The following ZBTB2 variants were observed in gnomAD, a reference collection of about 807,000 sequenced individuals.
ZBTB2 encodes the protein zinc finger and BTB domain containing 2.
In ZBTB2, 2 loss-of-function variants were observed where a neutral mutation model predicts 39.5. That is an observed-to-expected ratio of 0.05 (90% CI 0.02 to 0.16). The LOEUF (loss-of-function observed/expected upper bound fraction) is 0.16. ZBTB2 is among the 10% of genes least tolerant of loss of function. The pLI, the probability that ZBTB2 is intolerant of heterozygous loss-of-function variation, is 1.00. For synonymous variants in ZBTB2, 251 were observed against 256.6 expected, an observed-to-expected ratio of 0.98 and a Z score of 0.21; for missense variants, 391 against 653.0, an observed-to-expected ratio of 0.60 and a Z score of 4.37.
rs1316649833 is a variant in ZBTB2 at position 151,364,453 on chromosome 6, G to C, written c.*1068C>G. 5 of 152,490 alleles carry C rather than the reference G, an allele frequency of 3.3e-5. No individual in the cohort carries two copies. Among genetic ancestry groups the C allele is most frequent in the African/African-American group, 1.2e-4 (5 of 41,410 alleles). The allele number at this position is 152,490 out of a possible 1,614,324, so 9.4% of individuals were successfully genotyped here. ...TCAAAATCAAGTTTTTTCCCAAACAGCAATTAGATTTTTTGTCCTGATTTC... is the reference window on the plus strand; with the variant it reads ...TCAAAATCAAGTTTTTTCCCAAACACCAATTAGATTTTTTGTCCTGATTTC... On this transcript the variant is annotated 3_prime_UTR_variant, in exon 3 of 3. Coordinates refer to ENST00000325144, the MANE Select transcript of ZBTB2 (RefSeq NM_020861.3).
chr6:151,390,969 G>A (rs1283188731), intron 1 of ZBTB2, among the ~76,000 whole-genome samples: 2 of 150,660 alleles, frequency 1.3e-5, no homozygotes, highest in Non-Finnish European at 3.0e-5. Flanking sequence ...CGGGAAGGGA[G>A]GGACCGGCCA....
At chr6:151,371,395 G>A (rs747714503) in intron 2 of ZBTB2, among the ~76,000 whole-genome samples, 1 of 152,210 alleles carries the variant, frequency 6.6e-6, no homozygotes, top group Non-Finnish European at 1.5e-5. Flanking sequence ...TTATAAAGGA[G>A]CACAATTAAA....
intron 2 of ZBTB2, 127 bp from the exon 3 acceptor site, chr6:151,367,019 T>A: frequency 9.7e-7 from 1 of 1,025,802 alleles, no homozygotes; most frequent in Non-Finnish European, 1.4e-6. Context: ...TTTTAGTAAG[T>A]TTCATGAAAA....
chr6:151,371,777 C>T (rs188336429), intron 2 of ZBTB2, among the ~76,000 whole-genome samples: 7 of 152,010 alleles, frequency 4.6e-5, no homozygotes, highest in South Asian at 2.1e-4. Flanking sequence ...TTTGGAAATA[C>T]GAATCCAATA....
chr6:151,372,499 T>TG (rs569735118), intron 2 of ZBTB2, among the ~76,000 whole-genome samples: 2 of 150,884 alleles, frequency 1.3e-5, no homozygotes, highest in South Asian at 2.1e-4. Flanking sequence ...GGGGGCAGGG[T>TG]GGGGGGTGTA....
intron 1 of ZBTB2, among the ~76,000 whole-genome samples, chr6:151,388,651 G>A (rs527648389): frequency 1.3e-5 from 2 of 152,302 alleles, no homozygotes; most frequent in Admixed American, 6.5e-5. Context: ...ATAGGCGTGA[G>A]CCACTTTCCC....
Position 151,389,639 on chromosome 6 carries a change from G to C in ZBTB2, c.-13+1781C>G, listed in dbSNP as rs565966134. Among the ~76,000 whole-genome samples, 4 of 152,292 alleles carry C rather than the reference G, an allele frequency of 2.6e-5. No individual in the cohort carries two copies. The East Asian group carries it at 7.7e-4, about 29-fold the overall frequency. ...AAACAATACCCTGATAAAATGAATAGAATCAAGGCTCACAAACTCAGTGGA... is the reference window on the plus strand; with the variant it reads ...AAACAATACCCTGATAAAATGAATACAATCAAGGCTCACAAACTCAGTGGA... On this transcript the variant is annotated intron_variant, in intron 1 of 2. Coordinates refer to ENST00000325144, the MANE Select transcript of ZBTB2 (RefSeq NM_020861.3).
chr6:151,390,320 GGCCCCCTCCGGTCTCGCCGGCCCC>G (rs1209365451), intron 1 of ZBTB2, among the ~76,000 whole-genome samples: 1 of 138,602 alleles, frequency 7.2e-6, no homozygotes, highest in Non-Finnish European at 1.5e-5. Flanking sequence ...GGGGCCCTCT[GGCCCCCTCCGGTCTCGCCGGCCCC>G]GCCCCCTCCC....
intron 1 of ZBTB2, among the ~76,000 whole-genome samples, chr6:151,379,090 T>A (rs1218796602): frequency 6.6e-6 from 1 of 152,200 alleles, no homozygotes; most frequent in Non-Finnish European, 1.5e-5. Flanking sequence ...TGCTTTTAAG[T>A]ACATATACTT....
intron 1 of ZBTB2, among the ~76,000 whole-genome samples, chr6:151,373,870 A>AAAAAAAAAAAAAAAACAAAAC (rs1778843577): frequency 8.1e-6 from 1 of 123,604 alleles, no homozygotes; most frequent in African/African-American, 3.5e-5. Flanking sequence ...AAAAAAAAAA[A>AAAAAAAAAAAAAAAACAAAAC]AAAAAAACCA....
At chr6:151,386,615 A>G (rs1008475198) in intron 1 of ZBTB2, among the ~76,000 whole-genome samples, 13 of 152,372 alleles carry the variant, frequency 8.5e-5, no homozygotes, top group Non-Finnish European at 1.9e-4. Context: ...ATACCATAAA[A>G]TGATTAGTAA....
At chr6:151,391,057 C>A (rs528251479) in intron 1 of ZBTB2, among the ~76,000 whole-genome samples, 1 of 141,074 alleles carries the variant, frequency 7.1e-6, no homozygotes, top group African/African-American at 2.6e-5. Flanking sequence ...GCCCTCTCGG[C>A]TTCCGTCCCC....
At chr6:151,382,152 G>A (rs1411149058) in intron 1 of ZBTB2, among the ~76,000 whole-genome samples, 3 of 152,186 alleles carry the variant, frequency 2.0e-5, no homozygotes, top group Admixed American at 6.5e-5. Context: ...AAAAACTTAC[G>A]TAAAAATATG....
At chr6:151,386,299 C>T (rs1159289628) in intron 1 of ZBTB2, among the ~76,000 whole-genome samples, 1 of 152,182 alleles carries the variant, frequency 6.6e-6, no homozygotes, top group Non-Finnish European at 1.5e-5. Flanking sequence ...AATCTCAGCA[C>T]TTTGGGAGGC....
intron 2 of ZBTB2, among the ~76,000 whole-genome samples, chr6:151,368,789 A>C (rs552077618): frequency 6.9e-6 from 1 of 145,790 alleles, no homozygotes; most frequent in Non-Finnish European, 1.5e-5. Flanking sequence ...TTTGAGACGA[A>C]GTCTTGCTCT....
intron 1 of ZBTB2, among the ~76,000 whole-genome samples, chr6:151,377,535 ATTTTTTT>A (rs769474299): frequency 2.9e-5 from 3 of 103,462 alleles, no homozygotes; most frequent in Admixed American, 2.1e-4. Flanking sequence ...TGTCTGGCTA[ATTTTTTT>A]TTTTTTTTTT....
intron 1 of ZBTB2, among the ~76,000 whole-genome samples, chr6:151,388,863 C>T (rs951273207): frequency 2.0e-5 from 3 of 152,174 alleles, no homozygotes; most frequent in African/African-American, 7.2e-5. Context: ...GTATTTACAT[C>T]CCCTTTGAAG....
At chr6:151,377,917 C>T (rs1778953177) in intron 1 of ZBTB2, 1 of 152,006 alleles carries the variant, frequency 6.6e-6, no homozygotes, top group Admixed American at 6.6e-5. Context: ...GTTAAGAATG[C>T]ACTGTAGATA....
chr6:151,380,569 G>A (rs567079030), intron 1 of ZBTB2, among the ~76,000 whole-genome samples: 53 of 152,218 alleles, frequency 3.5e-4, no homozygotes, highest in African/African-American at 1.2e-3. Context: ...GCCAGCTCCC[G>A]CCCGGCTCTG....
Sources: allele counts gnomAD v4.1 joint callset (sites outside exome capture counted in the v4.1 genomes callset), GRCh38; gene constraint gnomAD v4.1.1; transcripts MANE v1.5; gene names NCBI Gene and HGNC (gene_info 2026-07-23, HGNC 2026-07-21).